The following RUFY3 variants were observed in gnomAD, a reference collection of about 807,000 sequenced individuals.
RUFY3 encodes RUN and FYVE domain containing 3, also known as protein RUFY3.
RUFY3 carries 34 observed loss-of-function variants against 84.0 expected under a neutral mutation model. The observed-to-expected ratio is 0.40, with a 90% confidence interval of 0.31 to 0.54. The LOEUF (loss-of-function observed/expected upper bound fraction) is 0.54, where lower values mean the gene tolerates loss of function less well. Ranked by LOEUF, RUFY3 falls within the 20% of genes least tolerant of loss-of-function variation. The probability of loss-of-function intolerance (pLI) is 0.39; values close to 1 mark genes in which losing one functional copy is unlikely to be tolerated. For missense variants in RUFY3, 507 were observed against 736.8 expected (o/e 0.69, Z 3.61); for synonymous variants, 242 against 252.9 (o/e 0.96, Z 0.41).
intron 1 of RUFY3, among the ~76,000 whole-genome samples, chr4:70,762,172 C>T (rs374219569): frequency 1.3e-5 from 2 of 152,154 alleles, no homozygotes; most frequent in East Asian, 1.9e-4. Context: ...AAAAATTAGC[C>T]AGTGTGATGG....
chr4:70,748,863 G>A (rs183463582), intron 1 of RUFY3, among the ~76,000 whole-genome samples: 8 of 152,246 alleles, frequency 5.3e-5, no homozygotes, highest in Admixed American at 2.6e-4. Context: ...GGTCAGGGCC[G>A]TATAGTCTTG....
At chr4:70,781,359 A>G (rs1728892358) in intron 8 of RUFY3, among the ~76,000 whole-genome samples, 1 of 152,140 alleles carries the variant, frequency 6.6e-6, no homozygotes, top group African/African-American at 2.4e-5. Flanking sequence ...GCACACCTGT[A>G]GTCCCAGCTA....
rs1229703852 is a variant in RUFY3 at position 70,743,072 on chromosome 4, T to A, written c.179-19447T>A. Among the ~76,000 whole-genome samples the A allele has an allele frequency of 2.0e-5, 3 of 151,946 alleles. No individual in the cohort carries two copies. The East Asian group carries it at 5.8e-4, about 29-fold the overall frequency. On this transcript the variant is annotated intron_variant, in intron 1 of 17. Transcript: ENST00000381006. ...GCTGCTATTATTATTATTATTATAT[T>A]TATTTATTTATTTTGAAATGGAATC...
chr4:70,743,878 T>C (rs1721723975), intron 1 of RUFY3, among the ~76,000 whole-genome samples: 1 of 152,230 alleles, frequency 6.6e-6, no homozygotes, highest in Non-Finnish European at 1.5e-5. Flanking sequence ...GATATCCTTC[T>C]CTGCTTTTCT....
intron 14 of RUFY3, 69 bp from the exon 15 acceptor site, chr4:70,800,072 G>A (rs550216629): frequency 6.8e-7 from 1 of 1,466,360 alleles, no homozygotes; most frequent in Non-Finnish European, 9.3e-7. Flanking sequence ...CATTGCAGAA[G>A]AAAATATTTG....
chr4:70,777,859 T>C (rs1488961521), intron 7 of RUFY3, among the ~76,000 whole-genome samples: 1 of 152,232 alleles, frequency 6.6e-6, no homozygotes, highest in Non-Finnish European at 1.5e-5. Flanking sequence ...AACTCTTTTA[T>C]TTCATTGAAT....
At chr4:70,734,343 T>G (rs1719932734) in intron 1 of RUFY3, 2 of 943,706 alleles carry the variant, frequency 2.1e-6, no homozygotes, top group Admixed American at 1.2e-4. Context: ...CACACCCCCT[T>G]TTGTAATTGG....
At chr4:70,773,608 A>T (rs1022437692) in intron 6 of RUFY3, 36 bp downstream of exon 6, 22 of 1,466,210 alleles carry the variant, frequency 1.5e-5, no homozygotes, top group Non-Finnish European at 1.9e-5. Context: ...TTTTCTCCTG[A>T]TGTAGCATTT....
chr4:70,762,460 A>T lies in RUFY3; in HGVS notation c.179-59A>T, dbSNP rs1020578639. 5 of 1,473,296 alleles carry T rather than the reference A, an allele frequency of 3.4e-6. No homozygotes were observed. The African/African-American group carries it at 7.0e-5, about 21-fold the overall frequency. The allele number at this position is 1,473,296 out of a possible 1,614,324, so 91.3% of individuals were successfully genotyped here. ...GTGGAGAAGAATACAACTAATACTG[A>T]ATTTTAAAATGTGCTATTTCTAGTA... On this transcript the variant is annotated intron_variant, in intron 1 of 17. Coordinates refer to ENST00000381006, the MANE Select transcript of RUFY3 (RefSeq NM_001037442.4).
chr4:70,768,556 T>A lies in RUFY3; in HGVS notation c.591T>A (p.Asn197Lys). ...KELLSEFYEPNALMMEEEGAI... is the reference protein window; with the variant it reads ...KELLSEFYEPKALMMEEEGAI... ...CTTACAGTGAATTCTACGAACCCAA[T>A]GCCCTCATGATGGAAGAAGAAGGAG... The change falls in exon 5 of 18, where the codon AAT becomes AAA. Residue 197 changes from asparagine to lysine, a missense_variant. Physicochemically the swap from Asn to Lys is moderately conservative, Grantham distance 94. Transcript: ENST00000381006. 6.2e-7 allele frequency: 1 copy of A among 1,613,992 alleles called. No homozygotes were observed. The highest frequency in any genetic ancestry group is 8.5e-7 in the Non-Finnish European group (1 of 1,179,950).
intron 5 of RUFY3, among the ~76,000 whole-genome samples, chr4:70,771,673 A>G (rs1726987206): frequency 6.6e-6 from 1 of 152,132 alleles, no homozygotes; most frequent in South Asian, 2.1e-4. Flanking sequence ...CTGGGACTAT[A>G]GGAACATGCT....
intron 4 of RUFY3, among the ~76,000 whole-genome samples, chr4:70,768,133 C>T (rs1312813767): frequency 6.6e-6 from 1 of 152,148 alleles, no homozygotes; most frequent in East Asian, 1.9e-4. Flanking sequence ...CCATGCCGAG[C>T]TACCAAACAA....
At chr4:70,753,441 A>G (rs991998600) in intron 1 of RUFY3, among the ~76,000 whole-genome samples, 3 of 152,116 alleles carry the variant, frequency 2.0e-5, no homozygotes, top group Non-Finnish European at 2.9e-5. Context: ...ACTTATATAC[A>G]TGTATGTTGG....
In RUFY3 at chr4:70,760,275, C is replaced by T. The variant is rs750693826; in HGVS notation, c.179-2244C>T. Among the ~76,000 whole-genome samples, 63 of 152,166 alleles carry T rather than the reference C, an allele frequency of 4.1e-4. 1 individual carries two copies. The highest frequency in any genetic ancestry group is 1.3e-4 in the Admixed American group (2 of 15,276). On this transcript the variant is annotated intron_variant, in intron 1 of 17. Transcript: ENST00000381006. Reference sequence around the variant, plus strand: ...TCTATCACTACTTCTGGAAAAATGTCTCAATATGATATTTTTTACTTAACC... The same window carrying T: ...TCTATCACTACTTCTGGAAAAATGTTTCAATATGATATTTTTTACTTAACC...
At chr4:70,715,838 G>T (rs1741516749) in intron 1 of RUFY3, among the ~76,000 whole-genome samples, 1 of 152,036 alleles carries the variant, frequency 6.6e-6, no homozygotes, top group South Asian at 2.1e-4. Flanking sequence ...AGAAGACCAG[G>T]CACAGTGGCC....
chr4:70,730,610 G>A lies in RUFY3; in HGVS notation c.178+7859G>A, dbSNP rs138949524. 3.0e-3 allele frequency among the ~76,000 whole-genome samples: 460 copies of A among 151,704 alleles called. 3 individuals are homozygous for A. The highest frequency in any genetic ancestry group is 0.011 in the African/African-American group (440 of 41,236). ...AAAGATTAGCTGGGCGTGGTGGCAG[G>A]TGCCTGTAATCCCAACTACTTGGGA... is the stretch of plus-strand genomic sequence containing the variant. On this transcript the variant is annotated intron_variant, in intron 1 of 17. Transcript: ENST00000381006.
intron 12 of RUFY3, chr4:70,791,496 G>C: frequency 7.3e-7 from 1 of 1,373,780 alleles, no homozygotes; most frequent in Non-Finnish European, 9.4e-7. Context: ...CCCAGGGTTA[G>C]AAAAATTGGT....
chr4:70,722,928 AT>A (rs1180395350), intron 1 of RUFY3, among the ~76,000 whole-genome samples, 177 bp downstream of exon 1: 4 of 151,906 alleles, frequency 2.6e-5, no homozygotes, highest in African/African-American at 7.3e-5. Context: ...GGGAAAGATA[AT>A]TTTTTTTCTT....
At chr4:70,752,693 G>A (rs1293254397) in intron 1 of RUFY3, among the ~76,000 whole-genome samples, 1 of 152,162 alleles carries the variant, frequency 6.6e-6, no homozygotes, top group Non-Finnish European at 1.5e-5. Flanking sequence ...TCTTTACTCT[G>A]TTAATTTGGT....
Sources: gnomAD v4.1 joint callset for allele counts (sites outside exome capture counted in the v4.1 genomes callset) on GRCh38, gnomAD v4.1.1 for gene constraint, MANE v1.5 for transcripts, NCBI Gene and HGNC (gene_info 2026-07-23, HGNC 2026-07-21) for gene names.